MGAT5B: variants seen among roughly 807,000 people sequenced by gnomAD.
The protein encoded by MGAT5B is N-acetylglucosaminyl-transferase Vb.
In MGAT5B, 54 loss-of-function variants were observed where a neutral mutation model predicts 95.1. That is an observed-to-expected ratio of 0.57 (90% confidence interval 0.46 to 0.71). The LOEUF is 0.71. Among genes scored for constraint, MGAT5B ranks in the 30% least tolerant of loss-of-function variants. The pLI is 0.00. For synonymous variants in MGAT5B, 464 were observed against 451.0 expected (o/e 1.03, Z -0.36); for missense variants, 935 against 1,088.6 (o/e 0.86, Z 1.99).
chr17:76,896,149 A>G (rs7221665), intron 3 of MGAT5B, among the ~76,000 whole-genome samples: 12,704 of 152,254 alleles, frequency 0.083, 755 homozygotes, highest in East Asian at 0.25. Context: ...TTTCCAACCA[A>G]GCATTTCCCA....
chr17:76,920,421 C>T (rs1461900321), intron 8 of MGAT5B, among the ~76,000 whole-genome samples: 2 of 152,154 alleles, frequency 1.3e-5, no homozygotes, highest in Non-Finnish European at 2.9e-5. Context: ...CGGGGGACGG[C>T]ATTTTCAATT....
At chr17:76,886,206 C>T (rs1011043829) in intron 3 of MGAT5B, among the ~76,000 whole-genome samples, 7 of 152,142 alleles carry the variant, frequency 4.6e-5, no homozygotes, top group African/African-American at 1.2e-4. Flanking sequence ...GAGGTCAGTC[C>T]GTATTTGTTG....
chr17:76,899,048 C>A (rs1254532504), intron 3 of MGAT5B, among the ~76,000 whole-genome samples: 1 of 152,190 alleles, frequency 6.6e-6, no homozygotes, highest in African/African-American at 2.4e-5. Flanking sequence ...CAGAAAGTGA[C>A]CTGGCTCTTG....
Position 76,905,026 on chromosome 17 carries a change from C to T in MGAT5B, c.691-143C>T, listed in dbSNP as rs1454507732. 6 of 853,708 alleles carry T rather than the reference C, an allele frequency of 7.0e-6. No individual in the cohort carries two copies. Among genetic ancestry groups the T allele is most frequent in the Non-Finnish European group, 1.0e-5 (6 of 581,188 alleles). The allele number at this position is 853,708 out of a possible 1,614,324, so 52.9% of individuals were successfully genotyped here. On this transcript the variant is annotated intron_variant, in intron 6 of 17. Coordinates refer to ENST00000569840, the MANE Select transcript of MGAT5B (RefSeq NM_001199172.2). This position sits in a 1 kb window ranked among gnomAD's most constrained non-coding sequence, Gnocchi z 4.2. ...GGGCAGGGCTCCCTGGTTTTGGGGG[C>T]TAATGAGCCCCTTAGAAAGTGCAGG... is the stretch of plus-strand genomic sequence containing the variant.
intron 17 of MGAT5B, 59 bp downstream of exon 17, chr17:76,948,145 ACT>A: frequency 6.6e-7 from 1 of 1,525,266 alleles, no homozygotes; most frequent in Non-Finnish European, 8.8e-7. Flanking sequence ...AGCCGGGTTC[ACT>A]GAGAGCTCTC....
In MGAT5B at chr17:76,915,139, A is replaced by G. The variant is rs1229009824; in HGVS notation, c.1025+8952A>G. Among the ~76,000 whole-genome samples the G allele has an allele frequency of 6.6e-6, 1 of 152,196 alleles. No individual in the cohort carries two copies. Among genetic ancestry groups the G allele is most frequent in the Admixed American group, 6.5e-5 (1 of 15,284 alleles). Reference sequence around the variant, plus strand: ...GTGTGCTTGTTTATTTTTCGAGATAAGAGAGTGCACTCATGTTTAAATGTG... The same window carrying G: ...GTGTGCTTGTTTATTTTTCGAGATAGGAGAGTGCACTCATGTTTAAATGTG... On this transcript the variant is annotated intron_variant, in intron 8 of 17. Transcript: ENST00000569840. The surrounding 1 kb of genome is among the most constrained non-coding windows in gnomAD (Gnocchi z 8.7).
chr17:76,928,560 C>G (rs1242936018), intron 10 of MGAT5B, among the ~76,000 whole-genome samples: 2 of 151,932 alleles, frequency 1.3e-5, no homozygotes, highest in East Asian at 3.9e-4. Flanking sequence ...CAAAAATTAG[C>G]CGGGTGTGGT....
At chr17:76,902,443 C>G in intron 3 of MGAT5B, 112 bp from the exon 4 acceptor site, 2 of 722,480 alleles carry the variant, frequency 2.8e-6, no homozygotes, top group Admixed American at 2.4e-5. Flanking sequence ...GGTTTGGGAG[C>G]CTGGGGCATT....
At chr17:76,875,772 C>T (rs956609794) in intron 2 of MGAT5B, among the ~76,000 whole-genome samples, 6 of 144,706 alleles carry the variant, frequency 4.1e-5, no homozygotes, top group Admixed American at 3.7e-4. Context: ...TGGGCTTTTG[C>T]GAACAGTGCT....
At position 76,868,928 on chromosome 17, in the gene MGAT5B, C is replaced by T; in HGVS notation, c.-102C>T. 2 of 1,170,138 alleles carry T rather than the reference C, an allele frequency of 1.7e-6. No homozygotes were observed. Among genetic ancestry groups the T allele is most frequent in the Admixed American group, 4.2e-5 (2 of 48,172 alleles). The allele number at this position is 1,170,138 out of a possible 1,614,324, so 72.5% of individuals were successfully genotyped here. ...CGCTCCCAGCTTCGCTCGGACGCGG[C>T]TTCGGCCCGCAGAGGGTTCGTGGCC... On this transcript the variant is annotated 5_prime_UTR_variant, in exon 1 of 18. Coordinates refer to ENST00000569840, the MANE Select transcript of MGAT5B (RefSeq NM_001199172.2). The surrounding 1 kb of genome is among the most constrained non-coding windows in gnomAD (Gnocchi z 6.3).
rs772346192 is a variant in MGAT5B, at chr17:76,912,139, G to A, written c.1025+5952G>A. On this transcript the variant is annotated intron_variant, in intron 8 of 17. Coordinates refer to ENST00000569840, the MANE Select transcript of MGAT5B (RefSeq NM_001199172.2). This position sits in a 1 kb window ranked among gnomAD's most constrained non-coding sequence, Gnocchi z 5.0. ...TTAGGGCCCACCCTAATGCCCTCAC[G>A]TTAACTCCATTACCTCTGTAAGGAC... Among the ~76,000 whole-genome samples the A allele has an allele frequency of 9.8e-5, 15 of 152,296 alleles. No individual in the cohort carries two copies. The highest frequency in any genetic ancestry group is 2.1e-4 in the Non-Finnish European group (14 of 68,016).
intron 2 of MGAT5B, among the ~76,000 whole-genome samples, chr17:76,879,563 G>A (rs765212019): frequency 5.3e-5 from 8 of 152,114 alleles, no homozygotes; most frequent in South Asian, 2.1e-4. Context: ...TGCGCTGCAC[G>A]ACTCCACGAC....
At chr17:76,885,757 G>A (rs907706229) in intron 3 of MGAT5B, among the ~76,000 whole-genome samples, 14 of 152,160 alleles carry the variant, frequency 9.2e-5, no homozygotes, top group Admixed American at 6.5e-4. Flanking sequence ...GTGTGTCCCG[G>A]GCCTGTGAAA....
intron 10 of MGAT5B, among the ~76,000 whole-genome samples, chr17:76,931,854 G>A (rs1238701070): frequency 6.6e-6 from 1 of 152,186 alleles, no homozygotes; most frequent in Non-Finnish European, 1.5e-5. Flanking sequence ...GCCTATGGGC[G>A]CAGGTGGAGG....
At chr17:76,946,562 G>T in intron 16 of MGAT5B, 112 bp downstream of exon 16, 1 of 882,298 alleles carries the variant, frequency 1.1e-6, no homozygotes, top group Non-Finnish European at 1.6e-6. Flanking sequence ...CCAACTCCCT[G>T]CTCCCTCCTC....
At chr17:76,925,590 C>A (rs1259227845) in intron 9 of MGAT5B, among the ~76,000 whole-genome samples, 1 of 151,900 alleles carries the variant, frequency 6.6e-6, no homozygotes, top group Non-Finnish European at 1.5e-5. Context: ...CACAGAGAGC[C>A]CTGCTATTTA....
At chr17:76,894,708 A>G (rs924844165) in intron 3 of MGAT5B, among the ~76,000 whole-genome samples, 8 of 152,020 alleles carry the variant, frequency 5.3e-5, no homozygotes, top group African/African-American at 1.7e-4. Context: ...TACAAAAATT[A>G]GCTGGGCGTT....
At chr17:76,879,055 T>C (rs1197080493) in intron 2 of MGAT5B, among the ~76,000 whole-genome samples, 1 of 152,220 alleles carries the variant, frequency 6.6e-6, no homozygotes, top group African/African-American at 2.4e-5. Flanking sequence ...CTCCACTTTG[T>C]TGACTTTCAG....
Position 76,916,050 on chromosome 17 carries a change from G to T in MGAT5B, c.1026-8916G>T, listed in dbSNP as rs8081232. Among the ~76,000 whole-genome samples, 1 of 151,932 alleles carries T rather than the reference G, an allele frequency of 6.6e-6. No individual in the cohort carries two copies. The highest frequency in any genetic ancestry group is 1.5e-5 in the Non-Finnish European group (1 of 68,006). ...GTGTGGCGGGGTCACGTTGAGTGCCGCCAAATGTCGTGGGCCTCTGCTGCT... is the reference window on the plus strand; with the variant it reads ...GTGTGGCGGGGTCACGTTGAGTGCCTCCAAATGTCGTGGGCCTCTGCTGCT... On this transcript the variant is annotated intron_variant, in intron 8 of 17. Coordinates refer to ENST00000569840, the MANE Select transcript of MGAT5B (RefSeq NM_001199172.2). This position sits in a 1 kb window ranked among gnomAD's most constrained non-coding sequence, Gnocchi z 5.3.
Sources: gnomAD v4.1 joint callset for allele counts (sites outside exome capture counted in the v4.1 genomes callset) on GRCh38, gnomAD v4.1.1 for gene constraint, Gnocchi (gnomAD v3.1) non-coding constraint, MANE v1.5 for transcripts, NCBI Gene and HGNC (gene_info 2026-07-23, HGNC 2026-07-21) for gene names.